The following NEO1 variants were observed in gnomAD, a reference collection of about 807,000 sequenced individuals.
The protein encoded by NEO1 is neogenin 1, also known as neogenin.
Under a neutral mutation model 159.7 loss-of-function variants are expected in NEO1, and 63 were observed. That is an observed-to-expected ratio of 0.39 (90% CI 0.32 to 0.49). The LOEUF (loss-of-function observed/expected upper bound fraction) is 0.49, where lower values mean the gene tolerates loss of function less well. NEO1 is among the 20% of genes least tolerant of loss of function. NEO1 has a pLI of 0.85. For missense variants in NEO1, 1,615 were observed against 1,831.0 expected (o/e 0.88, Z 2.15); for synonymous variants, 633 against 662.0 (o/e 0.96, Z 0.67).
At chr15:73,232,900 G>A (rs1013422563) in intron 7 of NEO1, among the ~76,000 whole-genome samples, 2 of 152,200 alleles carry the variant, frequency 1.3e-5, no homozygotes, top group South Asian at 4.1e-4. Flanking sequence ...CTCTAGCAGA[G>A]CTAGAGGGGG....
intron 7 of NEO1, among the ~76,000 whole-genome samples, chr15:73,198,066 A>G (rs953074482): frequency 6.6e-6 from 1 of 152,108 alleles, no homozygotes; most frequent in African/African-American, 2.4e-5. Flanking sequence ...AGGGTTATCA[A>G]CTGTAGACCA....
At chr15:73,108,336 T>C (rs1596005050) in intron 1 of NEO1, among the ~76,000 whole-genome samples, 2 of 152,330 alleles carry the variant, frequency 1.3e-5, no homozygotes, top group African/African-American at 4.8e-5. Flanking sequence ...ATATTAACTT[T>C]AGTTATTTAT....
At chr15:73,059,875 C>T (rs1176012836) in intron 1 of NEO1, among the ~76,000 whole-genome samples, 1 of 151,982 alleles carries the variant, frequency 6.6e-6, no homozygotes, top group Non-Finnish European at 1.5e-5. Context: ...ACAGCTACTC[C>T]CATGTTTTTT....
chr15:73,196,647 G>C (rs2036546772), intron 7 of NEO1, among the ~76,000 whole-genome samples: 1 of 152,206 alleles, frequency 6.6e-6, no homozygotes, highest in Non-Finnish European at 1.5e-5. Flanking sequence ...TCAGGTATTA[G>C]AGTAGCTTTG....
chr15:73,052,651 G>A lies in NEO1; in HGVS notation c.-25G>A. On this transcript the variant is annotated 5_prime_UTR_variant, in exon 1 of 29. Coordinates refer to ENST00000261908, the MANE Select transcript of NEO1 (RefSeq NM_002499.4). ...AGGGCTCCGCGGCGCTGTCGCCGCC[G>A]CTGCCGCTCACTCTCGGGGAAGAGA... 2.4e-6 allele frequency: 3 copies of A among 1,259,090 alleles called. No individual in the cohort carries two copies. The highest frequency in any genetic ancestry group is 4.1e-5 in the South Asian group (2 of 48,656). The allele number at this position is 1,259,090 out of a possible 1,614,324, so 78.0% of individuals were successfully genotyped here. A position where few individuals can be genotyped will look rare whatever the true frequency, so the allele number is the denominator to read the frequency against.
At chr15:73,263,712 A>G (rs906860815) in intron 15 of NEO1, among the ~76,000 whole-genome samples, 1 of 152,226 alleles carries the variant, frequency 6.6e-6, no homozygotes, top group Non-Finnish European at 1.5e-5. Context: ...AGTGCCTAAC[A>G]GAAGAGTTAT....
chr15:73,244,981 A>AAAAAAAAAAAAAAAAAAC (rs1426485832), intron 9 of NEO1, among the ~76,000 whole-genome samples: 3 of 148,206 alleles, frequency 2.0e-5, no homozygotes, highest in African/African-American at 2.5e-5. Context: ...AAAAAAAAAA[A>AAAAAAAAAAAAAAAAAAC]AACAACAGCA....
At chr15:73,281,568 T>C (rs1273704943) in intron 22 of NEO1, among the ~76,000 whole-genome samples, 1 of 152,200 alleles carries the variant, frequency 6.6e-6, no homozygotes, top group East Asian at 1.9e-4. Context: ...GAGATTTTTT[T>C]TTAAAACACA....
At chr15:73,296,839 G>A (rs949184205) in intron 26 of NEO1, among the ~76,000 whole-genome samples, 2 of 152,180 alleles carry the variant, frequency 1.3e-5, no homozygotes, top group African/African-American at 4.8e-5. Flanking sequence ...AATGGCGTAA[G>A]ATTTCATCAT....
chr15:73,171,264 A>C (rs1057389150), intron 5 of NEO1, among the ~76,000 whole-genome samples: 1 of 152,144 alleles, frequency 6.6e-6, no homozygotes, highest in African/African-American at 2.4e-5. Context: ...AAAGTAGATC[A>C]TTTTTAAGAA....
intron 1 of NEO1, among the ~76,000 whole-genome samples, chr15:73,078,213 A>C (rs768058879): frequency 1.3e-5 from 2 of 152,152 alleles, no homozygotes; most frequent in Non-Finnish European, 2.9e-5. Context: ...CTTCTAATCT[A>C]GTAGTTTAAT....
chr15:73,062,986 A>G (rs2068048793), intron 1 of NEO1, among the ~76,000 whole-genome samples: 2 of 152,252 alleles, frequency 1.3e-5, no homozygotes, highest in African/African-American at 4.8e-5. Context: ...GCAAAGACTT[A>G]GGCATACATC....
intron 3 of NEO1, among the ~76,000 whole-genome samples, chr15:73,123,451 T>TCGTATA: frequency 6.6e-6 from 1 of 152,274 alleles, no homozygotes; most frequent in East Asian, 1.9e-4. Context: ...CCAGGCTAGT[T>TCGTATA]CGTATAAGGG....
At chr15:73,220,094 C>G (rs2038147496) in intron 7 of NEO1, among the ~76,000 whole-genome samples, 1 of 152,100 alleles carries the variant, frequency 6.6e-6, no homozygotes, top group Non-Finnish European at 1.5e-5. Context: ...GTGCTTCCTT[C>G]AGGAGCTCTT....
chr15:73,200,425 A>G (rs2036802231), intron 7 of NEO1, among the ~76,000 whole-genome samples: 1 of 151,742 alleles, frequency 6.6e-6, no homozygotes. Flanking sequence ...TACCAAAAAT[A>G]AAAAGAAATT....
intron 7 of NEO1, among the ~76,000 whole-genome samples, chr15:73,226,537 G>A (rs1242428756): frequency 1.3e-5 from 2 of 152,070 alleles, no homozygotes; most frequent in African/African-American, 4.8e-5. Context: ...TAATATGCAT[G>A]GCAAATCTCT....
intron 7 of NEO1, among the ~76,000 whole-genome samples, chr15:73,222,303 A>G (rs1261535485): frequency 4.6e-5 from 7 of 151,088 alleles, no homozygotes; most frequent in African/African-American, 1.7e-4. Context: ...ACGGGGTTTC[A>G]CCGTGTTAGC....
chr15:73,105,606 T>A (rs2151537637), intron 1 of NEO1, among the ~76,000 whole-genome samples: 1 of 152,342 alleles, frequency 6.6e-6, no homozygotes, highest in East Asian at 1.9e-4. Context: ...TTGCATTTGC[T>A]TGTTTCTCAT....
chr15:73,144,388 C>T (rs1201614310), intron 5 of NEO1, among the ~76,000 whole-genome samples: 1 of 152,160 alleles, frequency 6.6e-6, no homozygotes, highest in Non-Finnish European at 1.5e-5. Flanking sequence ...GCTTTAAAAA[C>T]TCTTACACAT....
Sources: gnomAD v4.1 joint callset for allele counts (sites outside exome capture counted in the v4.1 genomes callset) on GRCh38, gnomAD v4.1.1 for gene constraint, MANE v1.5 for transcripts, NCBI Gene and HGNC (gene_info 2026-07-23, HGNC 2026-07-21) for gene names.